SLC25A28: variants seen among roughly 807,000 people sequenced by gnomAD.
The protein encoded by SLC25A28 is mitoferrin-2.
Under a neutral mutation model 31.9 loss-of-function variants are expected in SLC25A28, and 10 were observed. The ratio of observed to expected loss-of-function variants is 0.31; its 90% CI spans 0.19 to 0.53. SLC25A28 has a LOEUF of 0.53. Ranked by LOEUF, SLC25A28 falls within the 20% of genes least tolerant of loss-of-function variation. The probability of loss-of-function intolerance (pLI) is 0.95; values close to 1 mark genes in which losing one functional copy is unlikely to be tolerated. For missense variants in SLC25A28, 256 were observed against 490.3 expected, an observed-to-expected ratio of 0.52 and a Z score of 4.51; for synonymous variants, 208 against 203.6, an observed-to-expected ratio of 1.02 and a Z score of -0.19.
the SLC25A28 span, among the ~76,000 whole-genome samples, chr10:99,631,890 TA>T: frequency 9.6e-4 from 100 of 104,256 alleles, 25 homozygotes; most frequent in Admixed American, 1.3e-3. Flanking sequence ...TTTTTTTTTT[TA>T]TTTTTTTTTT....
chr10:99,654,529 A>G, the SLC25A28 span, among the ~76,000 whole-genome samples: 1 of 152,024 alleles, frequency 6.6e-6, no homozygotes, highest in Admixed American at 6.6e-5. Flanking sequence ...AGGTGTGGTG[A>G]CGTGTGCCTG....
In SLC25A28 at chr10:99,611,999, A is replaced by G. The variant is rs1461402989; in HGVS notation, c.577+544T>C. On this transcript the variant is annotated intron_variant, in intron 3 of 3. Transcript: ENST00000370495. The surrounding 1 kb of genome is among the most constrained non-coding windows in gnomAD (Gnocchi z 5.5). Reference sequence around the variant, plus strand: ...CCAGACAGAAAATGAACGTGGCAACAATGCTATCCCTTCATATTTGCTCAT... The same window carrying G: ...CCAGACAGAAAATGAACGTGGCAACGATGCTATCCCTTCATATTTGCTCAT... 6.6e-6 allele frequency among the ~76,000 whole-genome samples: 1 copy of G among 152,194 alleles called. No individual in the cohort carries two copies. Among genetic ancestry groups the G allele is most frequent in the Non-Finnish European group, 1.5e-5 (1 of 68,034 alleles).
chr10:99,616,701 C>G (rs926923498), intron 1 of SLC25A28: 9 of 985,266 alleles, frequency 9.1e-6, no homozygotes, highest in Middle Eastern at 5.2e-4. Flanking sequence ...TTGCCTGGTT[C>G]TTGTAATCTG....
At chr10:99,624,524 A>G (rs556578341), upstream of SLC25A28, among the ~76,000 whole-genome samples, 3 of 152,246 alleles carry the variant, frequency 2.0e-5, no homozygotes, top group African/African-American at 7.2e-5. Context: ...CCAGCACTAA[A>G]CCTGCCTAAA....
chr10:99,613,626 G>C lies in SLC25A28; in HGVS notation c.520+70C>G. 6.2e-7 allele frequency: 1 copy of C among 1,608,276 alleles called. No individual in the cohort carries two copies. Among genetic ancestry groups the C allele is most frequent in the South Asian group, 1.1e-5 (1 of 90,042 alleles). ...TCAGCTCCAAACCATGCTGAGACTG[G>C]AAAGCACTGACAGCAGCAAAGCCCA... On this transcript the variant is annotated intron_variant, in intron 2 of 3. Transcript: ENST00000370495. The surrounding 1 kb of genome is among the most constrained non-coding windows in gnomAD (Gnocchi z 4.9).
chr10:99,631,294 C>T, the SLC25A28 span, among the ~76,000 whole-genome samples: 1 of 152,054 alleles, frequency 6.6e-6, no homozygotes, highest in Non-Finnish European at 1.5e-5. Context: ...GGGCAGCAAC[C>T]CTAGAAGCTG....
At chr10:99,616,513 G>A (rs1380074309) in intron 1 of SLC25A28, 1 of 984,902 alleles carries the variant, frequency 1.0e-6, no homozygotes, top group Non-Finnish European at 1.2e-6. Flanking sequence ...TCCTGTATAA[G>A]TCATTTCACA....
chr10:99,617,814 G>C (rs569324227), intron 1 of SLC25A28: 18 of 982,998 alleles, frequency 1.8e-5, no homozygotes, highest in Non-Finnish European at 2.2e-5. Context: ...CTGCTATGTT[G>C]TATGACTAAT....
chr10:99,657,438 A>T, the SLC25A28 span, among the ~76,000 whole-genome samples: 1 of 152,142 alleles, frequency 6.6e-6, no homozygotes, highest in Non-Finnish European at 1.5e-5. Context: ...ATTCTATTCA[A>T]TGTGGTTTCT....
the SLC25A28 span, among the ~76,000 whole-genome samples, chr10:99,644,012 C>A: frequency 7.2e-5 from 11 of 152,130 alleles, no homozygotes; most frequent in South Asian, 2.3e-3. Flanking sequence ...GGAATAAGTG[C>A]GATGTGGTGC....
At chr10:99,619,181 G>T in intron 1 of SLC25A28, 1 of 985,398 alleles carries the variant, frequency 1.0e-6, no homozygotes. Flanking sequence ...AATGCAATTA[G>T]TTTTACTTTC....
chr10:99,640,557 G>A, the SLC25A28 span, among the ~76,000 whole-genome samples: 2 of 152,046 alleles, frequency 1.3e-5, no homozygotes, highest in Non-Finnish European at 2.9e-5. Flanking sequence ...CGGGATACAA[G>A]TGCAGATTTC....
upstream of SLC25A28, chr10:99,620,549 G>T (rs971144722): frequency 9.8e-6 from 10 of 1,023,708 alleles, no homozygotes; most frequent in East Asian, 5.6e-4. Context: ...TCAGCCGGTA[G>T]TATTAGCGAA....
At chr10:99,653,842 A>G in the SLC25A28 span, 3 of 152,240 alleles carry the variant, frequency 2.0e-5, no homozygotes, top group African/African-American at 7.2e-5. Context: ...GGTCCAAAAC[A>G]GATATTCTGT....
At position 99,616,976 on chromosome 10, in the gene SLC25A28, T is replaced by C. The variant is rs552255854; in HGVS notation, c.292-3052A>G. 318 of 985,162 alleles carry C rather than the reference T, an allele frequency of 3.2e-4. 1 individual carries two copies. In the African/African-American group the frequency reaches 4.0e-3, roughly 12 times the overall value. 61.0% of individuals were successfully genotyped at this position (985,162 alleles called of 1,614,324 possible). ...GATGCAAGAAAATCAAATAAGCTAATGTTTCCATTTCCTAATCTTTCACAG... is the reference window on the plus strand; with the variant it reads ...GATGCAAGAAAATCAAATAAGCTAACGTTTCCATTTCCTAATCTTTCACAG... On this transcript the variant is annotated intron_variant, in intron 1 of 3. Transcript: ENST00000370495.
At chr10:99,620,980 C>T, upstream of SLC25A28, 2 of 985,286 alleles carry the variant, frequency 2.0e-6, no homozygotes, top group Non-Finnish European at 2.4e-6. Context: ...TTCTGAGACG[C>T]GTGGCTGGAG....
intron 1 of SLC25A28, chr10:99,618,755 C>T (rs2034715117): frequency 4.1e-6 from 4 of 985,384 alleles, no homozygotes. Context: ...CTGTCATTCA[C>T]AAAGCTTAAT....
upstream of SLC25A28, among the ~76,000 whole-genome samples, chr10:99,624,269 T>A (rs1010630439): frequency 6.6e-6 from 1 of 151,742 alleles, no homozygotes; most frequent in Non-Finnish European, 1.5e-5. Context: ...CTCTCTCTCT[T>A]TCTTTTGTAG....
chr10:99,628,931 T>C, the SLC25A28 span, among the ~76,000 whole-genome samples: 16 of 152,178 alleles, frequency 1.1e-4, no homozygotes, highest in Admixed American at 2.0e-4. Context: ...CTGGTGAGAA[T>C]GTAAAATCAT....
Sources: allele counts gnomAD v4.1 joint callset (sites outside exome capture counted in the v4.1 genomes callset), GRCh38; gene constraint gnomAD v4.1.1; non-coding constraint Gnocchi (gnomAD v3.1); transcripts MANE v1.5; gene names NCBI Gene and HGNC (gene_info 2026-07-23, HGNC 2026-07-21).